The following ADAM32 variants were observed in gnomAD, a reference collection of about 807,000 sequenced individuals.
ADAM32 encodes ADAM metallopeptidase domain 32, also known as disintegrin and metalloproteinase domain-containing protein 32.
A neutral mutation model predicts 114.9 loss-of-function variants in ADAM32; 89 were observed. The observed-to-expected ratio is 0.77, with a 90% CI of 0.65 to 0.92. ADAM32 has a LOEUF of 0.92. Among genes scored for constraint, ADAM32 ranks in the 40% least tolerant of loss-of-function variants. The pLI is 0.00. For synonymous variants in ADAM32, 285 were observed against 307.5 expected, an observed-to-expected ratio of 0.93 and a Z score of 0.77; for missense variants, 870 against 932.8, an observed-to-expected ratio of 0.93 and a Z score of 0.88.
intron 11 of ADAM32, among the ~76,000 whole-genome samples, chr8:39,188,594 A>G (rs1404990068): frequency 6.6e-6 from 1 of 152,130 alleles, no homozygotes; most frequent in Non-Finnish European, 1.5e-5. Flanking sequence ...CACTTTACAT[A>G]TATTAACTTA....
rs1309747361 is a variant in ADAM32, at chr8:39,254,434, G to T, written c.1923G>T (p.Lys641Asn). 1 of 1,599,650 alleles carries T rather than the reference G, an allele frequency of 6.3e-7. No individual in the cohort carries two copies. Among genetic ancestry groups the T allele is most frequent in the African/African-American group, 1.3e-5 (1 of 74,606 alleles). ...SGHGVCDSRNKCHCSPGYKPP... is the reference protein window; with the variant it reads ...SGHGVCDSRNNCHCSPGYKPP... ...CCTAGGTGTGTGATTCCAGAAACAAGTGCCATTGTTCGCCAGGCTATAAGC... is the reference window on the plus strand; with the variant it reads ...CCTAGGTGTGTGATTCCAGAAACAATTGCCATTGTTCGCCAGGCTATAAGC... The change falls in exon 18 of 25, where the codon AAG becomes AAT. Residue 641 changes from lysine to asparagine, a missense_variant. Transcript: ENST00000379907.
intron 22 of ADAM32, chr8:39,276,149 T>C (rs1813057900): frequency 3.1e-6 from 1 of 321,674 alleles, no homozygotes; most frequent in Admixed American, 4.8e-5. Flanking sequence ...AGCTAATTCA[T>C]AAAAAGGATC....
intron 19 of ADAM32, among the ~76,000 whole-genome samples, chr8:39,263,100 G>A (rs533112679): frequency 6.6e-6 from 1 of 152,174 alleles, no homozygotes; most frequent in East Asian, 1.9e-4. Context: ...ATTTGCTGTA[G>A]GTTCCATTTT....
chr8:39,258,160 G>A (rs775251372), intron 19 of ADAM32, among the ~76,000 whole-genome samples: 2 of 150,494 alleles, frequency 1.3e-5, no homozygotes, highest in Admixed American at 6.6e-5. Context: ...TGAGCAGTCC[G>A]CTCAGAGGTG....
At chr8:39,198,340 G>T (rs1055704942) in intron 11 of ADAM32, among the ~76,000 whole-genome samples, 4 of 151,958 alleles carry the variant, frequency 2.6e-5, no homozygotes, top group African/African-American at 9.7e-5. Flanking sequence ...CCTGTCATTT[G>T]TCAATTGTTT....
At chr8:39,247,158 A>C (rs1262830944) in intron 17 of ADAM32, among the ~76,000 whole-genome samples, 1 of 152,154 alleles carries the variant, frequency 6.6e-6, no homozygotes, top group Non-Finnish European at 1.5e-5. Context: ...AGTTTCTATA[A>C]ACATCCTTCT....
At chr8:39,158,022 C>T in intron 6 of ADAM32, 1 of 272,056 alleles carries the variant, frequency 3.7e-6, no homozygotes, top group South Asian at 4.8e-5. Context: ...TCTTGGTATG[C>T]CAATGACTGG....
intron 19 of ADAM32, among the ~76,000 whole-genome samples, chr8:39,260,957 A>G (rs1282539333): frequency 6.6e-6 from 1 of 152,064 alleles, no homozygotes; most frequent in African/African-American, 2.4e-5. Context: ...CCAAATAACA[A>G]TTGTACATAT....
intron 11 of ADAM32, among the ~76,000 whole-genome samples, chr8:39,197,127 T>C (rs1402920869): frequency 6.6e-6 from 1 of 152,136 alleles, no homozygotes; most frequent in East Asian, 1.9e-4. Flanking sequence ...TTTGTCAGCA[T>C]AGAGTTGTTC....
intron 11 of ADAM32, among the ~76,000 whole-genome samples, chr8:39,205,373 A>C (rs1807755271): frequency 6.6e-6 from 1 of 152,178 alleles, no homozygotes; most frequent in South Asian, 2.1e-4. Flanking sequence ...GTTCCATCTC[A>C]GACTGCTGTG....
chr8:39,189,915 C>T (rs180674430), intron 11 of ADAM32, among the ~76,000 whole-genome samples: 5 of 152,158 alleles, frequency 3.3e-5, no homozygotes, highest in Admixed American at 1.3e-4. Flanking sequence ...CCTGGGTGCA[C>T]GCCATTCTCC....
chr8:39,161,943 C>T (rs1383908038), intron 7 of ADAM32, among the ~76,000 whole-genome samples: 1 of 150,918 alleles, frequency 6.6e-6, no homozygotes, highest in Non-Finnish European at 1.5e-5. Flanking sequence ...TGTTATATAT[C>T]TTGAGAGTAG....
rs115537033 is a variant in ADAM32 at position 39,235,671 on chromosome 8, A to G, written c.1818+1589A>G. 4.5e-3 allele frequency among the ~76,000 whole-genome samples: 693 copies of G among 152,340 alleles called. 7 individuals are homozygous for G. The highest frequency in any genetic ancestry group is 0.015 in the African/African-American group (627 of 41,596). ...AGTTTTTAATGATAGTATAAATTATATATGATGAAACATTCTTAGTATTGT... is the reference window on the plus strand; with the variant it reads ...AGTTTTTAATGATAGTATAAATTATGTATGATGAAACATTCTTAGTATTGT... On this transcript the variant is annotated intron_variant, in intron 16 of 24. Transcript: ENST00000379907.
chr8:39,153,795 T>C (rs1277228527), intron 6 of ADAM32, among the ~76,000 whole-genome samples: 1 of 152,148 alleles, frequency 6.6e-6, no homozygotes, highest in Non-Finnish European at 1.5e-5. Context: ...GATTTGTCTT[T>C]GGGTTTCCTT....
At chr8:39,283,533 T>A in intron 23 of ADAM32, 53 bp from the exon 24 acceptor site, 1 of 1,367,964 alleles carries the variant, frequency 7.3e-7, no homozygotes, top group Non-Finnish European at 1.0e-6. Context: ...ACAACATAAG[T>A]TTGACAGGTT....
Position 39,136,215 on chromosome 8 carries a change from A to C in ADAM32, c.139-442A>C, listed in dbSNP as rs549616688. Among the ~76,000 whole-genome samples the C allele has an allele frequency of 3.3e-5, 5 of 152,346 alleles. No homozygotes were observed. The East Asian group carries it at 7.7e-4, about 23-fold the overall frequency. The stretch of plus-strand genomic sequence containing the variant: ...AGACAATATTAAATTTTGTTCAATA[A>C]TCTTCTGTTTAAAATATAGGGAACA... On this transcript the variant is annotated intron_variant, in intron 2 of 24. Transcript: ENST00000379907.
intron 11 of ADAM32, among the ~76,000 whole-genome samples, chr8:39,206,837 G>A (rs1192790874): frequency 6.6e-6 from 1 of 152,082 alleles, no homozygotes; most frequent in Non-Finnish European, 1.5e-5. Flanking sequence ...TTCAGTTCAG[G>A]ATCTGAACCT....
At chr8:39,208,602 C>T (rs1159413072) in intron 11 of ADAM32, among the ~76,000 whole-genome samples, 1 of 152,160 alleles carries the variant, frequency 6.6e-6, no homozygotes, top group African/African-American at 2.4e-5. Context: ...ATTCCCTCCA[C>T]TTTCATTGGT....
Position 39,183,881 on chromosome 8 carries a change from G to A in ADAM32, c.916-3028G>A, listed in dbSNP as rs184743511. 4.1e-4 allele frequency among the ~76,000 whole-genome samples: 63 copies of A among 152,332 alleles called. No individual in the cohort carries two copies. In the East Asian group the frequency reaches 5.0e-3, roughly 12 times the overall value. On this transcript the variant is annotated intron_variant, in intron 10 of 24. Coordinates refer to ENST00000379907, the MANE Select transcript of ADAM32 (RefSeq NM_145004.7). ...GTGATGTAGAAGACACTCTTTAAGCGCAGGAATGTCGTGCTTCAGAATCAC... is the reference window on the plus strand; with the variant it reads ...GTGATGTAGAAGACACTCTTTAAGCACAGGAATGTCGTGCTTCAGAATCAC...
Sources: allele counts gnomAD v4.1 joint callset (sites outside exome capture counted in the v4.1 genomes callset), GRCh38; gene constraint gnomAD v4.1.1; transcripts MANE v1.5; gene names NCBI Gene and HGNC (gene_info 2026-07-23, HGNC 2026-07-21).